TRIM67: variants seen among roughly 807,000 people sequenced by gnomAD.
TRIM67 encodes the protein tripartite motif-containing protein 67.
A neutral mutation model predicts 71.0 loss-of-function variants in TRIM67; 39 were observed. That is an observed-to-expected ratio of 0.55 (90% CI 0.43 to 0.72). The LOEUF (loss-of-function observed/expected upper bound fraction) is 0.72, where lower values mean the gene tolerates loss of function less well. Ranked by LOEUF, TRIM67 falls within the 30% of genes least tolerant of loss-of-function variation. TRIM67 has a pLI of 0.00. For synonymous variants in TRIM67, 481 were observed against 473.9 expected (o/e 1.01, Z -0.19); for missense variants, 973 against 1,079.2 (o/e 0.90, Z 1.38).
chr1:231,189,347 A>G (rs1449280951), intron 1 of TRIM67, among the ~76,000 whole-genome samples: 2 of 152,182 alleles, frequency 1.3e-5, no homozygotes, highest in African/African-American at 4.8e-5. Flanking sequence ...TACATGGCGA[A>G]AGAGCTTTGC....
intron 1 of TRIM67, among the ~76,000 whole-genome samples, chr1:231,172,591 G>T (rs929319831): frequency 1.3e-4 from 20 of 152,166 alleles, no homozygotes; most frequent in African/African-American, 4.8e-4. Flanking sequence ...AGTGACAGAC[G>T]TATCAGACAG....
intron 1 of TRIM67, among the ~76,000 whole-genome samples, chr1:231,169,050 G>T (rs1231751681): frequency 6.6e-6 from 1 of 150,438 alleles, no homozygotes; most frequent in Admixed American, 6.7e-5. Context: ...GGAAGCCCTA[G>T]ATATTTTTTT....
intron 6 of TRIM67, among the ~76,000 whole-genome samples, chr1:231,206,386 A>C (rs2102757484): frequency 6.6e-6 from 1 of 152,130 alleles, no homozygotes; most frequent in Non-Finnish European, 1.5e-5. Context: ...GGTTTTGGTA[A>C]GCCGAGATCA....
chr1:231,183,718 G>A (rs903280086), intron 1 of TRIM67, among the ~76,000 whole-genome samples: 3 of 152,130 alleles, frequency 2.0e-5, no homozygotes, highest in Admixed American at 6.5e-5. Flanking sequence ...CAGGGAGCAC[G>A]TAGATAGCAT....
In TRIM67 at chr1:231,219,069, G is replaced by A. The variant is rs1684080831; in HGVS notation, c.*3629G>A. The A allele has an allele frequency of 1.0e-6, 1 of 985,428 alleles. No individual in the cohort carries two copies. Among genetic ancestry groups the A allele is most frequent in the Non-Finnish European group, 1.2e-6 (1 of 830,042 alleles). 61.0% of individuals were successfully genotyped at this position (985,428 alleles called of 1,614,324 possible). A position where few individuals can be genotyped will look rare whatever the true frequency, so the allele number is the denominator to read the frequency against. On this transcript the variant is annotated 3_prime_UTR_variant, in exon 10 of 10. Coordinates refer to ENST00000366653, the MANE Select transcript of TRIM67 (RefSeq NM_001004342.5). ...TTCAGTGTCAAGGAGGCTGCTGCTG[G>A]TCCCATGGCCACCTGCTGGCTTTGA...
chr1:231,211,027 A>C (rs559733917), intron 8 of TRIM67, among the ~76,000 whole-genome samples: 1 of 130,472 alleles, frequency 7.7e-6, no homozygotes, highest in Non-Finnish European at 1.6e-5. Context: ...TACCAAAAAA[A>C]AAAAATATAT....
intron 5 of TRIM67, among the ~76,000 whole-genome samples, chr1:231,202,145 A>AGTGGTGGCTGAGATAGTGGAGGAGAAG (rs1558304083): frequency 4.3e-4 from 1 of 2,312 alleles, no homozygotes; most frequent in Non-Finnish European, 1.0e-3. Flanking sequence ...AGGAGGAGGA[A>AGTGGTGGCTGAGATAGTGGAGGAGAAG]GAGGTAGCGG....
chr1:231,179,224 C>T (rs1414775962), intron 1 of TRIM67, among the ~76,000 whole-genome samples: 2 of 152,236 alleles, frequency 1.3e-5, no homozygotes, highest in Admixed American at 6.5e-5. Context: ...CTTGTGGTGG[C>T]TCCTTGGCTT....
rs1199284679 is a variant in TRIM67 at position 231,167,185 on chromosome 1, C to T, written c.1044+3172C>T. Reference sequence around the variant, plus strand: ...GAGTTCTTTGAGAGCCATGGTAAATCGAAGAGCCTTAAAAGAAAATCTCAC... The same window carrying T: ...GAGTTCTTTGAGAGCCATGGTAAATTGAAGAGCCTTAAAAGAAAATCTCAC... On this transcript the variant is annotated intron_variant, in intron 1 of 9. Coordinates refer to ENST00000366653, the MANE Select transcript of TRIM67 (RefSeq NM_001004342.5). Among the ~76,000 whole-genome samples, 4 of 151,792 alleles carry T rather than the reference C, an allele frequency of 2.6e-5. No individual in the cohort carries two copies. The East Asian group carries it at 5.8e-4, about 22-fold the overall frequency.
chr1:231,213,737 A>G lies in TRIM67; in HGVS notation c.2124-78A>G, dbSNP rs1349493791. 3 of 1,473,230 alleles carry G rather than the reference A, an allele frequency of 2.0e-6. No homozygotes were observed. In the African/African-American group the frequency reaches 4.2e-5, roughly 21 times the overall value. The allele number at this position is 1,473,230 out of a possible 1,614,324, so 91.3% of individuals were successfully genotyped here. ...CAGAGTGAGACCGTGTCTCTAAATA[A>G]GTAAATAATTCTCCTGAGTTATCAC... is the stretch of plus-strand genomic sequence containing the variant. On this transcript the variant is annotated intron_variant, in intron 8 of 9. Coordinates refer to ENST00000366653, the MANE Select transcript of TRIM67 (RefSeq NM_001004342.5).
intron 8 of TRIM67, among the ~76,000 whole-genome samples, chr1:231,210,420 A>G (rs4658902): frequency 0.39 from 58,381 of 151,208 alleles, 11,514 homozygotes; most frequent in East Asian, 0.56. Flanking sequence ...TCAGGACCCC[A>G]TCTGCTTGCC....
At chr1:231,177,772 A>G (rs967568482) in intron 1 of TRIM67, among the ~76,000 whole-genome samples, 3 of 152,236 alleles carry the variant, frequency 2.0e-5, no homozygotes, top group African/African-American at 7.2e-5. Context: ...CATCATATGC[A>G]TAAATAACAC....
At chr1:231,186,562 A>G (rs757506024) in intron 1 of TRIM67, among the ~76,000 whole-genome samples, 3 of 152,010 alleles carry the variant, frequency 2.0e-5, no homozygotes, top group Non-Finnish European at 4.4e-5. Context: ...CATAACTCCA[A>G]TCTTCACGTG....
At chr1:231,215,304 G>C (rs1028233751) in intron 9 of TRIM67, 71 bp from the exon 10 acceptor site, 1 of 1,555,540 alleles carries the variant, frequency 6.4e-7, no homozygotes, top group South Asian at 1.2e-5. Flanking sequence ...CGGTGTCTGC[G>C]GTGCTGTCAG....
intron 8 of TRIM67, among the ~76,000 whole-genome samples, chr1:231,212,427 A>T (rs1683900861): frequency 6.6e-6 from 1 of 152,202 alleles, no homozygotes; most frequent in Non-Finnish European, 1.5e-5. Context: ...TCCTTACGGA[A>T]GGGGGTTAGG....
At chr1:231,173,671 G>C (rs528471254) in intron 1 of TRIM67, among the ~76,000 whole-genome samples, 1 of 152,328 alleles carries the variant, frequency 6.6e-6, no homozygotes, top group East Asian at 1.9e-4. Flanking sequence ...GAAGTGTACA[G>C]GGCCTGGCGG....
chr1:231,186,429 C>G (rs116761584), intron 1 of TRIM67, among the ~76,000 whole-genome samples: 1 of 152,140 alleles, frequency 6.6e-6, no homozygotes, highest in African/African-American at 2.4e-5. Flanking sequence ...AGAAATATAT[C>G]GTCTCACTGT....
rs573338956 is a variant in TRIM67, at chr1:231,174,075, A to G, written c.1044+10062A>G. ...TCTCTCTCATCCTTCCAGAATTCCA[A>G]TAACACATATATTAGATTGCTTGCT... On this transcript the variant is annotated intron_variant, in intron 1 of 9. Coordinates refer to ENST00000366653, the MANE Select transcript of TRIM67 (RefSeq NM_001004342.5). Among the ~76,000 whole-genome samples, 9 of 151,900 alleles carry G rather than the reference A, an allele frequency of 5.9e-5. No homozygotes were observed. In the South Asian group the frequency reaches 1.7e-3, roughly 28 times the overall value.
At chr1:231,193,044 C>T (rs768593139) in intron 1 of TRIM67, among the ~76,000 whole-genome samples, 6 of 152,290 alleles carry the variant, frequency 3.9e-5, no homozygotes, top group Admixed American at 3.3e-4. Flanking sequence ...GGGACAGAGC[C>T]GTCCTGGCCC....
Sources: gnomAD v4.1 joint callset for allele counts (sites outside exome capture counted in the v4.1 genomes callset) on GRCh38, gnomAD v4.1.1 for gene constraint, MANE v1.5 for transcripts, NCBI Gene and HGNC (gene_info 2026-07-23, HGNC 2026-07-21) for gene names.